NEK4: variants seen among roughly 807,000 people sequenced by gnomAD.
The protein encoded by NEK4 is NIMA related kinase 4, also known as serine/threonine-protein kinase Nek4.
A neutral mutation model predicts 98.4 loss-of-function variants in NEK4; 86 were observed. The observed-to-expected ratio is 0.87, with a 90% CI of 0.73 to 1.05. The LOEUF (loss-of-function observed/expected upper bound fraction) is 1.05, where lower values mean the gene tolerates loss of function less well. Among genes scored for constraint, NEK4 ranks in the 50% least tolerant of loss-of-function variants. The pLI, the probability that NEK4 is intolerant of heterozygous loss-of-function variation, is 0.00. For synonymous variants in NEK4, 328 were observed against 342.2 expected (o/e 0.96, Z 0.46); for missense variants, 898 against 950.3 (o/e 0.94, Z 0.72).
chr3:52,748,038 C>T (rs2154104739), intron 8 of NEK4, among the ~76,000 whole-genome samples: 1 of 152,166 alleles, frequency 6.6e-6, no homozygotes, highest in Admixed American at 6.6e-5. Context: ...CGGCTCACTG[C>T]AAGCTCCTCC....
intron 6 of NEK4, among the ~76,000 whole-genome samples, chr3:52,758,178 C>CAAAAAAAAAAAAAAA (rs35117059): frequency 4.8e-5 from 3 of 62,776 alleles, no homozygotes; most frequent in African/African-American, 6.9e-5. Flanking sequence ...GACACCATCT[C>CAAAAAAAAAAAAAAA]AAAAAAAAAA....
intron 15 of NEK4, among the ~76,000 whole-genome samples, chr3:52,731,932 C>T (rs1387074696): frequency 7.9e-5 from 12 of 152,288 alleles, no homozygotes; most frequent in Middle Eastern, 3.4e-3. Context: ...GTAAGTCTCA[C>T]GAGATCTGAC....
chr3:52,759,987 C>A (rs1055380737), intron 6 of NEK4, among the ~76,000 whole-genome samples: 1 of 152,112 alleles, frequency 6.6e-6, no homozygotes, highest in Non-Finnish European at 1.5e-5. Context: ...TTTAATGATT[C>A]TATTTACATG....
intron 15 of NEK4, among the ~76,000 whole-genome samples, chr3:52,714,749 C>T (rs2097353544): frequency 6.6e-6 from 1 of 152,230 alleles, no homozygotes; most frequent in Non-Finnish European, 1.5e-5. Flanking sequence ...CCCCAACTGC[C>T]CCCGCAGGCT....
At chr3:52,761,768 A>C (rs1242864217) in intron 5 of NEK4, among the ~76,000 whole-genome samples, 1 of 152,244 alleles carries the variant, frequency 6.6e-6, no homozygotes, top group South Asian at 2.1e-4. Flanking sequence ...ATTGCCTCAC[A>C]TACGGGAGTA....
intron 8 of NEK4, among the ~76,000 whole-genome samples, chr3:52,747,861 T>C (rs763090156): frequency 6.6e-5 from 10 of 151,976 alleles, no homozygotes; most frequent in Non-Finnish European, 1.2e-4. Flanking sequence ...AAGAGGATTG[T>C]ATGAGTCCAG....
intron 10 of NEK4, 146 bp downstream of exon 10, chr3:52,745,915 G>A: frequency 1.4e-6 from 1 of 710,836 alleles, no homozygotes; most frequent in East Asian, 2.6e-5. Flanking sequence ...TAGAGACAAG[G>A]TCTCACTATA....
chr3:52,734,666 C>CAA (rs59075830), intron 15 of NEK4: 340 of 70,780 alleles, frequency 4.8e-3, no homozygotes, highest in Middle Eastern at 0.01. Flanking sequence ...GACTCCGTCT[C>CAA]AAAAAAAAAA....
intron 15 of NEK4, among the ~76,000 whole-genome samples, chr3:52,731,454 A>C (rs2097369553): frequency 6.6e-6 from 1 of 152,244 alleles, no homozygotes; most frequent in Admixed American, 6.5e-5. Context: ...TGGTAGTGGC[A>C]TAAGGATAGA....
rs768230593 is a variant in NEK4, at chr3:52,760,928, G to C, written c.830C>G (p.Ser277Cys). ...FFLEATKIKT[S>C]KNNIKNGDSQ... ...GTCACCATTTTTAATGTTATTTTTG[G>C]AGGTTTTTCTTTATAAAGAAGAAAA... The change falls in exon 6 of 16, where the codon TCC becomes TGC. Residue 277 changes from serine to cysteine, a missense_variant. By Grantham distance (112) the Ser-to-Cys change is moderately radical. Transcript: ENST00000233027. 6.3e-7 allele frequency: 1 copy of C among 1,577,098 alleles called. No homozygotes were observed. The highest frequency in any genetic ancestry group is 8.6e-7 in the Non-Finnish European group (1 of 1,162,102).
intron 15 of NEK4, among the ~76,000 whole-genome samples, chr3:52,721,684 T>C (rs1357415739): frequency 6.6e-6 from 1 of 150,946 alleles, no homozygotes; most frequent in East Asian, 1.9e-4. Flanking sequence ...TGCAGTGAGC[T>C]GTGATTACAC....
intron 15 of NEK4, among the ~76,000 whole-genome samples, chr3:52,732,019 C>G (rs1334056637): frequency 6.6e-6 from 1 of 152,210 alleles, no homozygotes. Flanking sequence ...TTCCCCTTCA[C>G]CATCTGCTAT....
At chr3:52,731,926 G>C (rs920829455) in intron 15 of NEK4, among the ~76,000 whole-genome samples, 1 of 152,204 alleles carries the variant, frequency 6.6e-6, no homozygotes, top group Admixed American at 6.5e-5. Flanking sequence ...TAGTGAGTAA[G>C]TCTCACGAGA....
intron 1 of NEK4, among the ~76,000 whole-genome samples, chr3:52,770,098 A>C (rs1341370732): frequency 6.6e-6 from 1 of 152,138 alleles, no homozygotes; most frequent in East Asian, 1.9e-4. Context: ...GAGGCTTAAA[A>C]ATGACTCCAG....
chr3:52,711,883 A>G lies in NEK4; in HGVS notation c.2434-14T>C, dbSNP rs371087555. ...CCGCAAACGTACCTATTTGAGAAAC[A>G]AAAAGAAAATCAATCAGTATGTAGT... On this transcript the variant is annotated splice_polypyrimidine_tract_variant and intron_variant, in intron 15 of 15. Transcript: ENST00000233027. The G allele has an allele frequency of 3.8e-4, 571 of 1,517,774 alleles. 12 individuals are homozygous for G. The South Asian group carries it at 6.2e-3, about 17-fold the overall frequency. The allele number at this position is 1,517,774 out of a possible 1,614,324, so 94.0% of individuals were successfully genotyped here. A position where few individuals can be genotyped will look rare whatever the true frequency, so the allele number is the denominator to read the frequency against.
Position 52,739,578 on chromosome 3 carries a change from T to C in NEK4, c.2150A>G (p.Lys717Arg), listed in dbSNP as rs780574844. The change falls in exon 14 of 16, where the codon AAA (lysine) becomes AGA (arginine). Residue 717 changes from lysine to arginine, a missense_variant. By Grantham distance (26) the Lys-to-Arg change is conservative. Transcript: ENST00000233027. ...TTCACAGCTCTCTTTAGAATCCAGT[T>C]TCAGGGTCTGAGTCATCAATTGTAC... ...ALVQLMTQTL[K>R]LDSKESCEDV... The C allele has an allele frequency of 6.2e-6, 10 of 1,614,068 alleles. No individual in the cohort carries two copies. The Admixed American group carries it at 1.2e-4, about 19-fold the overall frequency.
At chr3:52,751,221 C>T (rs899397945) in intron 7 of NEK4, among the ~76,000 whole-genome samples, 24 of 151,858 alleles carry the variant, frequency 1.6e-4, no homozygotes, top group African/African-American at 5.8e-4. Context: ...TTTGGGAGGC[C>T]AAGATGGGCA....
Position 52,763,474 on chromosome 3 carries a change from T to C in NEK4, c.817A>G (p.Lys273Glu), listed in dbSNP as rs1665385961. ...RQISFFLEAT[K>E]IKTSKNNIKN... ...TTTGCAAGGGAAGTATCTTACATCT[T>C]TGTGGCCTCCAAAAAGAAGGAGATT... The change falls in exon 5 of 16, where the codon AAG (lysine) becomes GAG (glutamate). Residue 273 changes from lysine to glutamate, a missense_variant. Lys to Glu is a moderately conservative substitution (Grantham distance 56, BLOSUM62 1). Coordinates refer to ENST00000233027, the MANE Select transcript of NEK4 (RefSeq NM_003157.6). 1.2e-6 allele frequency: 2 copies of C among 1,612,986 alleles called. No individual in the cohort carries two copies. The highest frequency in any genetic ancestry group is 1.7e-6 in the Non-Finnish European group (2 of 1,179,536).
At position 52,737,639 on chromosome 3, in the gene NEK4, G is replaced by A. The variant is rs761438028; in HGVS notation, c.2380C>T (p.Leu794Phe). ...TDVIRGLGVQLLEQVYDLLEE... is the reference protein window; with the variant it reads ...TDVIRGLGVQFLEQVYDLLEE... ...AAAAGATCATACACCTGCTCTAAAA[G>A]CTGAACTCCCAGGCCACGAATTACA... Residue 794 changes from leucine to phenylalanine, a missense_variant, in exon 15 of 16, where the codon CTT becomes TTT. Physicochemically the swap from Leu to Phe is conservative, Grantham distance 22. Coordinates refer to ENST00000233027, the MANE Select transcript of NEK4 (RefSeq NM_003157.6). 1.2e-5 allele frequency: 20 copies of A among 1,613,736 alleles called. No homozygotes were observed. In the South Asian group the frequency reaches 2.2e-4, roughly 18 times the overall value.
Sources: allele counts gnomAD v4.1 joint callset (sites outside exome capture counted in the v4.1 genomes callset), GRCh38; gene constraint gnomAD v4.1.1; transcripts MANE v1.5; gene names NCBI Gene and HGNC (gene_info 2026-07-23, HGNC 2026-07-21).